ADCY10: variants seen among roughly 807,000 people sequenced by gnomAD.
ADCY10 encodes the protein adenylate cyclase type 10.
In ADCY10, 156 loss-of-function variants were observed where a neutral mutation model predicts 183.3. The observed-to-expected ratio is 0.85, with a 90% CI of 0.75 to 0.97. The LOEUF is 0.97. Among genes scored for constraint, ADCY10 ranks in the 50% least tolerant of loss-of-function variants. The pLI is 0.00. For synonymous variants in ADCY10, 645 were observed against 670.0 expected (o/e 0.96, Z 0.58); for missense variants, 1,745 against 1,934.3 (o/e 0.90, Z 1.84).
intron 1 of ADCY10, among the ~76,000 whole-genome samples, chr1:167,907,200 T>C (rs1166417190): frequency 2.0e-5 from 3 of 152,238 alleles, no homozygotes; most frequent in Non-Finnish European, 2.9e-5. Context: ...ATACCATAGA[T>C]GGGCACATTC....
chr1:167,829,498 T>C (rs1217803321), intron 25 of ADCY10, 75 bp from the exon 26 acceptor site: 2 of 1,570,362 alleles, frequency 1.3e-6, no homozygotes, highest in Non-Finnish European at 1.7e-6. Flanking sequence ...CACAGGTACA[T>C]GGTGTCCTCA....
intron 18 of ADCY10, among the ~76,000 whole-genome samples, chr1:167,853,887 G>A (rs1000494574): frequency 3.2e-5 from 4 of 125,170 alleles, no homozygotes; most frequent in African/African-American, 1.2e-4. Context: ...TGCCCAGGCT[G>A]GAGTGCAGTG....
Position 167,845,756 on chromosome 1 carries a change from G to C in ADCY10, c.2814C>G (p.Tyr938Ter). ...TTCTCTGGTCCTTGAGCCACAGCTC[G>C]TAGGCTGTTTTCTGCATCATAGGGT... ...FCNPMMQKTA[Y>*]ELWLKDQRKA... is the part of the protein sequence containing the mutation. The change falls in exon 21 of 33, where the codon TAC becomes TAG. Residue 938 changes from tyrosine to a stop codon, truncating the protein, a stop_gained. Transcript: ENST00000367851. LOFTEE classifies it high-confidence loss of function. The C allele has an allele frequency of 6.2e-7, 1 of 1,614,210 alleles. No homozygotes were observed. The highest frequency in any genetic ancestry group is 8.5e-7 in the Non-Finnish European group (1 of 1,180,044).
Position 167,883,440 on chromosome 1 carries a change from G to A in ADCY10, c.1017C>T (p.Asp339=). Residue 339 remains aspartate, a synonymous_variant, in exon 9 of 33, where the codon GAC becomes GAT. Coordinates refer to ENST00000367851, the MANE Select transcript of ADCY10 (RefSeq NM_018417.6). ...QGQINKVFMF[D]KGCSFLCVFG... is the part of the protein sequence containing the mutation. The stretch of plus-strand genomic sequence containing the variant: ...CCATCCCATAGTTCACACTTACCTT[G>A]TCAAACATGAAGACTTTATTGATTT... 1 of 1,614,110 alleles carries A rather than the reference G, an allele frequency of 6.2e-7. No homozygotes were observed. The highest frequency in any genetic ancestry group is 8.5e-7 in the Non-Finnish European group (1 of 1,180,000).
At chr1:167,853,828 TA>T (rs1665676612) in intron 18 of ADCY10, among the ~76,000 whole-genome samples, 1 of 135,382 alleles carries the variant, frequency 7.4e-6, no homozygotes, top group Non-Finnish European at 1.5e-5. Context: ...CTACTATAGT[TA>T]CTTTTTTTTT....
chr1:167,824,489 G>A lies in ADCY10; in HGVS notation c.4039C>T (p.Leu1347Phe). Residue 1347 changes from leucine to phenylalanine, a missense_variant, in exon 28 of 33, where the codon CTT (leucine) becomes TTT (phenylalanine). Coordinates refer to ENST00000367851, the MANE Select transcript of ADCY10 (RefSeq NM_018417.6). ...QSLCRLSRCL[L>F]LNSRYPQLIQ... is the part of the protein sequence containing the mutation. ...TAAGATAAATACCTGCTGTTCAGAA[G>A]GAGACATCTGCTAAGTCTGCAGAGG... The A allele has an allele frequency of 6.2e-7, 1 of 1,614,086 alleles. No individual in the cohort carries two copies. The highest frequency in any genetic ancestry group is 8.5e-7 in the Non-Finnish European group (1 of 1,179,960).
chr1:167,862,367 AAC>A (rs1666349639), intron 14 of ADCY10, among the ~76,000 whole-genome samples: 1 of 152,212 alleles, frequency 6.6e-6, no homozygotes, highest in African/African-American at 2.4e-5. Context: ...GGACACAAAC[AAC>A]ACACAGGGAG....
At position 167,888,891 on chromosome 1, in the gene ADCY10, G is replaced by GAA. The variant is rs1026085924; in HGVS notation, c.828+4960_828+4961dup. 3.6e-5 allele frequency among the ~76,000 whole-genome samples: 5 copies of GAA among 139,140 alleles called. 2 individuals are homozygous for GAA. The highest frequency in any genetic ancestry group is 7.7e-5 in the Non-Finnish European group (5 of 64,918). The allele number at this position is 139,140 out of a possible 152,430, so 91.3% of individuals were successfully genotyped here. A position where few individuals can be genotyped will look rare whatever the true frequency, so the allele number is the denominator to read the frequency against. ...ACTCCGTCTCAAAAAAAAAAAAAAAGAAAAAGAAAGAAAAAGAAATGCTGA... is the reference window on the plus strand; with the variant it reads ...ACTCCGTCTCAAAAAAAAAAAAAAAGAAAAAAAGAAAGAAAAAGAAATGCTGA... On this transcript the variant is annotated intron_variant, in intron 8 of 32. Coordinates refer to ENST00000367851, the MANE Select transcript of ADCY10 (RefSeq NM_018417.6).
chr1:167,837,475 C>T (rs1040604808), intron 21 of ADCY10, among the ~76,000 whole-genome samples, 157 bp from the exon 22 acceptor site: 7 of 152,216 alleles, frequency 4.6e-5, no homozygotes, highest in African/African-American at 7.2e-5. Flanking sequence ...GGTGAAGCCA[C>T]GTGATGAGTT....
At position 167,861,331 on chromosome 1, in the gene ADCY10, T is replaced by A. The variant is rs184915344; in HGVS notation, c.1617-268A>T. On this transcript the variant is annotated intron_variant, in intron 14 of 32. Coordinates refer to ENST00000367851, the MANE Select transcript of ADCY10 (RefSeq NM_018417.6). ...CCACAATAGCAAGCCACTACCCCCA[T>A]CCAGGTCATGACCCTCTGACTGGGA... Among the ~76,000 whole-genome samples the A allele has an allele frequency of 1.5e-3, 226 of 152,284 alleles. 2 individuals are homozygous for A. Among genetic ancestry groups the A allele is most frequent in the Middle Eastern group, 3.4e-3 (1 of 294 alleles).
At chr1:167,822,834 G>A (rs1413471586) in intron 29 of ADCY10, among the ~76,000 whole-genome samples, 174 bp downstream of exon 29, 1 of 151,872 alleles carries the variant, frequency 6.6e-6, no homozygotes, top group African/African-American at 2.4e-5. Flanking sequence ...TTACAATCTC[G>A]GCACCTGCTA....
At chr1:167,813,155 T>G (rs1215279550) in intron 31 of ADCY10, among the ~76,000 whole-genome samples, 1 of 151,862 alleles carries the variant, frequency 6.6e-6, no homozygotes, top group East Asian at 1.9e-4. Flanking sequence ...TCCAAGAAGC[T>G]CAACAAACTC....
intron 2 of ADCY10, chr1:167,904,595 C>T: frequency 2.2e-6 from 1 of 459,870 alleles, no homozygotes; most frequent in Non-Finnish European, 3.8e-6. Flanking sequence ...AAAACACACA[C>T]ATTTCAAACA....
rs894931882 is a variant in ADCY10, at chr1:167,829,378, G to A, written c.3639C>T (p.Ser1213=). ...TGTAGCTATAGATGCGCCACAGCAAGGAAAGGCAGACAGTTTGCCGGTAAA... is the reference window on the plus strand; with the variant it reads ...TGTAGCTATAGATGCGCCACAGCAAAGAAAGGCAGACAGTTTGCCGGTAAA... The part of the protein sequence containing the change: ...AQLYRQTVCL[S]LLWRIYSYSY... Residue 1213 remains serine, a synonymous_variant, in exon 26 of 33, where the codon TCC becomes TCT. Coordinates refer to ENST00000367851, the MANE Select transcript of ADCY10 (RefSeq NM_018417.6). The A allele has an allele frequency of 3.1e-6, 5 of 1,614,048 alleles. No individual in the cohort carries two copies. The highest frequency in any genetic ancestry group is 4.2e-6 in the Non-Finnish European group (5 of 1,179,996).
chr1:167,876,990 C>T (rs886096178), intron 12 of ADCY10, among the ~76,000 whole-genome samples: 3 of 152,088 alleles, frequency 2.0e-5, no homozygotes, highest in Non-Finnish European at 4.4e-5. Flanking sequence ...GTCTGTTGAA[C>T]CCCAGGCACG....
chr1:167,881,688 C>G (rs1019714162), intron 9 of ADCY10, among the ~76,000 whole-genome samples: 10 of 152,188 alleles, frequency 6.6e-5, no homozygotes, highest in African/African-American at 2.2e-4. Context: ...TTAAAACTTT[C>G]CACAATCATT....
intron 14 of ADCY10, among the ~76,000 whole-genome samples, chr1:167,868,723 C>T (rs919277685): frequency 2.6e-5 from 4 of 152,136 alleles, no homozygotes; most frequent in Admixed American, 6.6e-5. Flanking sequence ...ATGCTTTCCG[C>T]GAAAAGCGAA....
intron 18 of ADCY10, among the ~76,000 whole-genome samples, chr1:167,851,717 G>C (rs1446377540): frequency 6.6e-6 from 1 of 151,848 alleles, no homozygotes; most frequent in Non-Finnish European, 1.5e-5. Context: ...CCAGATACTC[G>C]GGAGGCTGAG....
chr1:167,827,721 T>C (rs1309695866), intron 26 of ADCY10, among the ~76,000 whole-genome samples: 3 of 139,556 alleles, frequency 2.1e-5, no homozygotes, highest in African/African-American at 7.8e-5. Context: ...AAAAAAAAAT[T>C]TTTTTTTTTG....
Sources: allele counts gnomAD v4.1 joint callset (sites outside exome capture counted in the v4.1 genomes callset), GRCh38; gene constraint gnomAD v4.1.1; transcripts MANE v1.5; gene names NCBI Gene and HGNC (gene_info 2026-07-23, HGNC 2026-07-21).